The following UNC5C variants were observed in gnomAD, a reference collection of about 807,000 sequenced individuals.
UNC5C encodes the protein netrin receptor UNC5C.
UNC5C carries 47 observed loss-of-function variants against 99.8 expected under a neutral mutation model. That is an observed-to-expected ratio of 0.47 (90% CI 0.37 to 0.60). The LOEUF is 0.60. Among genes scored for constraint, UNC5C ranks in the 20% least tolerant of loss-of-function variants. The pLI is 0.00. For synonymous variants in UNC5C, 487 were observed against 452.2 expected (o/e 1.08, Z -0.98); for missense variants, 1,062 against 1,165.9 (o/e 0.91, Z 1.30).
rs529442481 is a variant in UNC5C at position 95,534,144 on chromosome 4, AAG to A, written c.124+14588_124+14589del. Among the ~76,000 whole-genome samples the A allele has an allele frequency of 7.2e-5, 11 of 152,354 alleles. No individual in the cohort carries two copies. In the East Asian group the frequency reaches 9.7e-4, roughly 13 times the overall value. ...GAGGAGGGTTGGGCTAAAAAAATAA[AAG>A]AGTGTTAACCTGATTTTCGGACAAA... On this transcript the variant is annotated intron_variant, in intron 1 of 15. Transcript: ENST00000453304.
chr4:95,221,897 CTT>C (rs1738478301), intron 7 of UNC5C, among the ~76,000 whole-genome samples: 1 of 152,144 alleles, frequency 6.6e-6, no homozygotes, highest in Non-Finnish European at 1.5e-5. Context: ...ACCCATCTGT[CTT>C]TTTTCAACCC....
Position 95,166,433 on chromosome 4 carries a change from C to A in UNC5C, c.*2801G>T, listed in dbSNP as rs1220809431. ...CAGATGAGTACCTCACACACGAAAT[C>A]AATCACTTTTCCCTTTTCTGGTGGT... On this transcript the variant is annotated 3_prime_UTR_variant, in exon 16 of 16. Coordinates refer to ENST00000453304, the MANE Select transcript of UNC5C (RefSeq NM_003728.4). The A allele has an allele frequency of 6.6e-6, 1 of 152,196 alleles. No individual in the cohort carries two copies. The highest frequency in any genetic ancestry group is 1.5e-5 in the Non-Finnish European group (1 of 68,042). The allele number at this position is 152,196 out of a possible 1,614,324, so 9.4% of individuals were successfully genotyped here.
intron 3 of UNC5C, among the ~76,000 whole-genome samples, chr4:95,283,637 T>C (rs1741136847): frequency 6.6e-6 from 1 of 152,120 alleles, no homozygotes; most frequent in African/African-American, 2.4e-5. Flanking sequence ...GACGAATGAA[T>C]AAGAATGAAA....
At chr4:95,257,109 A>T (rs1018713245) in intron 4 of UNC5C, among the ~76,000 whole-genome samples, 3 of 152,102 alleles carry the variant, frequency 2.0e-5, no homozygotes, top group African/African-American at 7.2e-5. Context: ...AATCCAATCA[A>T]GTTGACACTC....
intron 7 of UNC5C, among the ~76,000 whole-genome samples, chr4:95,230,680 A>G (rs201583216): frequency 3.3e-5 from 5 of 151,952 alleles, no homozygotes; most frequent in Admixed American, 6.6e-5. Flanking sequence ...TCCCAACACC[A>G]TTCATTAAAT....
intron 12 of UNC5C, among the ~76,000 whole-genome samples, chr4:95,189,030 CAGAAGATTTA>C (rs1258313830): frequency 3.9e-5 from 6 of 152,154 alleles, no homozygotes; most frequent in African/African-American, 9.7e-5. Flanking sequence ...TATTTAATGT[CAGAAGATTTA>C]GGAAGACTTA....
intron 1 of UNC5C, among the ~76,000 whole-genome samples, chr4:95,501,117 T>C (rs1475868053): frequency 6.6e-6 from 1 of 152,102 alleles, no homozygotes; most frequent in East Asian, 1.9e-4. Context: ...TGCATTAAAA[T>C]ACAGGTACAA....
chr4:95,297,557 G>T (rs917904309), intron 3 of UNC5C, among the ~76,000 whole-genome samples: 3 of 152,116 alleles, frequency 2.0e-5, no homozygotes, highest in African/African-American at 7.2e-5. Context: ...CAAATTTTAC[G>T]AGTGAATATA....
chr4:95,545,202 C>T (rs1723025708), intron 1 of UNC5C, among the ~76,000 whole-genome samples: 1 of 152,300 alleles, frequency 6.6e-6, no homozygotes, highest in East Asian at 1.9e-4. Flanking sequence ...TCTTTACCCT[C>T]AGTATCCAGA....
chr4:95,337,207 A>G lies in UNC5C; in HGVS notation c.125-1576T>C, dbSNP rs137949396. 4.1e-3 allele frequency among the ~76,000 whole-genome samples: 622 copies of G among 152,084 alleles called. 1 individual carries two copies. The highest frequency in any genetic ancestry group is 7.5e-3 in the Admixed American group (114 of 15,222). On this transcript the variant is annotated intron_variant, in intron 1 of 15. Coordinates refer to ENST00000453304, the MANE Select transcript of UNC5C (RefSeq NM_003728.4). ...CTGTTGGTTTTAATTATTACTATTT[A>G]TGAAGGTGGAAGGTCAACTAGACTT...
intron 1 of UNC5C, among the ~76,000 whole-genome samples, chr4:95,471,988 T>C (rs1747985091): frequency 6.6e-6 from 1 of 152,134 alleles, no homozygotes; most frequent in South Asian, 2.1e-4. Context: ...ATTAAGAGGA[T>C]GTTTTCTGTT....
At chr4:95,531,061 A>T (rs1722627435) in intron 1 of UNC5C, among the ~76,000 whole-genome samples, 1 of 152,224 alleles carries the variant, frequency 6.6e-6, no homozygotes, top group South Asian at 2.1e-4. Flanking sequence ...AGTGGAGTCC[A>T]GCCTTGTTTT....
chr4:95,531,931 A>C (rs956909810), intron 1 of UNC5C, among the ~76,000 whole-genome samples: 5 of 152,220 alleles, frequency 3.3e-5, no homozygotes, highest in African/African-American at 1.2e-4. Context: ...TATTTTGTCA[A>C]TATTCCATAA....
intron 1 of UNC5C, among the ~76,000 whole-genome samples, chr4:95,397,802 G>A (rs887032749): frequency 4.6e-5 from 7 of 152,048 alleles, no homozygotes; most frequent in African/African-American, 1.7e-4. Flanking sequence ...ACAGAACAAA[G>A]AACATTTAAA....
intron 1 of UNC5C, among the ~76,000 whole-genome samples, chr4:95,534,976 GT>G (rs1252647599): frequency 6.6e-6 from 1 of 152,098 alleles, no homozygotes; most frequent in Non-Finnish European, 1.5e-5. Context: ...TTAGCAAAGG[GT>G]AAAAAGTTTG....
chr4:95,527,499 A>C (rs1306050616), intron 1 of UNC5C, among the ~76,000 whole-genome samples: 2 of 152,098 alleles, frequency 1.3e-5, no homozygotes. Flanking sequence ...TAAATATTGG[A>C]GTATTTCTCA....
intron 9 of UNC5C, 55 bp from the exon 10 acceptor site, chr4:95,216,266 G>A: frequency 2.1e-6 from 3 of 1,410,610 alleles, no homozygotes; most frequent in Non-Finnish European, 3.0e-6. Context: ...ACGTAAAAGG[G>A]AATGAGGAGA....
intron 12 of UNC5C, among the ~76,000 whole-genome samples, chr4:95,189,347 C>T (rs1024243861): frequency 2.3e-4 from 35 of 152,198 alleles, no homozygotes; most frequent in Non-Finnish European, 1.6e-4. Context: ...AGTGCAGTGG[C>T]GTGATCATAG....
At chr4:95,547,073 A>G (rs1723089069) in intron 1 of UNC5C, among the ~76,000 whole-genome samples, 1 of 150,676 alleles carries the variant, frequency 6.6e-6, no homozygotes, top group Non-Finnish European at 1.5e-5. Context: ...CCCTCTAAGC[A>G]CCCTTGGCTA....
Sources: allele counts gnomAD v4.1 joint callset (sites outside exome capture counted in the v4.1 genomes callset), GRCh38; gene constraint gnomAD v4.1.1; transcripts MANE v1.5; gene names NCBI Gene and HGNC (gene_info 2026-07-23, HGNC 2026-07-21).